XPNPEP3: variants seen among roughly 807,000 people sequenced by gnomAD.
XPNPEP3 encodes the protein X-prolyl aminopeptidase 3.
XPNPEP3 carries 41 observed loss-of-function variants against 60.0 expected under a neutral mutation model. The ratio of observed to expected loss-of-function variants is 0.68; its 90% CI spans 0.53 to 0.89. XPNPEP3 has a LOEUF of 0.89. Ranked by LOEUF, XPNPEP3 falls within the 40% of genes least tolerant of loss-of-function variation. XPNPEP3 has a pLI of 0.00. For synonymous variants in XPNPEP3, 212 were observed against 223.2 expected (o/e 0.95, Z 0.45); for missense variants, 598 against 638.9 (o/e 0.94, Z 0.69).
chr22:40,908,477 C>A (rs1569029048), intron 5 of XPNPEP3, among the ~76,000 whole-genome samples: 1 of 152,144 alleles, frequency 6.6e-6, no homozygotes, highest in Admixed American at 6.6e-5. Context: ...ATGATTGCCC[C>A]ACTGCACTCC....
chr22:40,891,012 A>G lies in XPNPEP3; in HGVS notation c.792+4497A>G, dbSNP rs538679640. 3.9e-5 allele frequency among the ~76,000 whole-genome samples: 6 copies of G among 152,056 alleles called. 1 individual carries two copies. The highest frequency in any genetic ancestry group is 3.9e-4 in the Admixed American group (6 of 15,246). On this transcript the variant is annotated intron_variant, in intron 4 of 9. Transcript: ENST00000357137. Reference sequence around the variant, plus strand: ...CATATCTCTGCTCTTTCAAAATTCAAAACATCTTGAAAACAGCCAGATTTC... The same window carrying G: ...CATATCTCTGCTCTTTCAAAATTCAGAACATCTTGAAAACAGCCAGATTTC...
intron 1 of XPNPEP3, among the ~76,000 whole-genome samples, chr22:40,864,837 G>A (rs1253623305): frequency 6.6e-6 from 1 of 152,130 alleles, no homozygotes; most frequent in African/African-American, 2.4e-5. Flanking sequence ...CTGTGATTAA[G>A]ACTGCCTTAA....
At chr22:40,915,054 T>TTC (rs2058191203) in intron 7 of XPNPEP3, among the ~76,000 whole-genome samples, 1 of 147,548 alleles carries the variant, frequency 6.8e-6, no homozygotes, top group African/African-American at 2.5e-5. Flanking sequence ...TCCATTCTTT[T>TTC]TTTTTTTTTT....
At chr22:40,889,542 G>C (rs938190185) in intron 4 of XPNPEP3, among the ~76,000 whole-genome samples, 23 of 152,182 alleles carry the variant, frequency 1.5e-4, no homozygotes, top group South Asian at 6.2e-4. Context: ...AAAATACATA[G>C]ACAAGCAGGG....
intron 4 of XPNPEP3, among the ~76,000 whole-genome samples, chr22:40,900,201 C>T (rs1007338517): frequency 2.6e-5 from 4 of 151,146 alleles, no homozygotes; most frequent in African/African-American, 9.7e-5. Context: ...AAGATGATAC[C>T]GAAAGCACAG....
At chr22:40,884,526 G>GT (rs2058061020) in intron 3 of XPNPEP3, among the ~76,000 whole-genome samples, 1 of 150,490 alleles carries the variant, frequency 6.6e-6, no homozygotes, top group African/African-American at 2.4e-5. Flanking sequence ...TAGAGACAAG[G>GT]TTTTACCATG....
intron 1 of XPNPEP3, chr22:40,860,599 T>C (rs751730248): frequency 2.8e-5 from 35 of 1,245,364 alleles, no homozygotes; most frequent in Middle Eastern, 5.6e-4. Context: ...AAATAGGCTA[T>C]AAACTCTACT....
chr22:40,915,905 C>T (rs1056316470), intron 7 of XPNPEP3, among the ~76,000 whole-genome samples: 1 of 152,162 alleles, frequency 6.6e-6, no homozygotes, highest in South Asian at 2.1e-4. Flanking sequence ...CCAGTGAGAA[C>T]AGAGTTTGTA....
At chr22:40,867,342 A>G (rs1474099036) in intron 1 of XPNPEP3, among the ~76,000 whole-genome samples, 1 of 152,148 alleles carries the variant, frequency 6.6e-6, no homozygotes, top group Non-Finnish European at 1.5e-5. Flanking sequence ...CTCTCTGTTT[A>G]ATCTCAACAA....
In XPNPEP3 at chr22:40,924,375, A is replaced by G. The variant is rs767525269; in HGVS notation, c.1250A>G (p.Tyr417Cys). 6 of 1,614,032 alleles carry G rather than the reference A, an allele frequency of 3.7e-6. No individual in the cohort carries two copies. Among genetic ancestry groups the G allele is most frequent in the Non-Finnish European group, 5.1e-6 (6 of 1,180,036 alleles). The stretch of plus-strand genomic sequence containing the variant: ...TATCTTTTCCAGGCTGCTCGAAAAT[A>G]CTGTCCTCATCATGTTGGCCACTAC... The part of the protein sequence containing the change: ...ENNAFKAARK[Y>C]CPHHVGHYLG... Residue 417 changes from tyrosine (Y) to cysteine (C), a missense_variant, in exon 9 of 10, where the codon TAC becomes TGC. Physicochemically the swap from Tyr to Cys is radical, Grantham distance 194 (BLOSUM62 -2). Transcript: ENST00000357137.
chr22:40,884,075 A>G (rs750299627), intron 3 of XPNPEP3, among the ~76,000 whole-genome samples: 10 of 152,166 alleles, frequency 6.6e-5, no homozygotes, highest in Non-Finnish European at 1.2e-4. Flanking sequence ...TGAATATGTA[A>G]GTTCTAATAC....
At chr22:40,886,201 T>G (rs2058067937) in intron 3 of XPNPEP3, 112 bp from the exon 4 acceptor site, 1 of 1,054,530 alleles carries the variant, frequency 9.5e-7, no homozygotes, top group Admixed American at 1.8e-5. Flanking sequence ...ACTTTAGAGT[T>G]CCACGTTACA....
At chr22:40,895,878 A>G (rs1215175720) in intron 4 of XPNPEP3, among the ~76,000 whole-genome samples, 2 of 152,170 alleles carry the variant, frequency 1.3e-5, no homozygotes, top group African/African-American at 4.8e-5. Flanking sequence ...CAGTAGATGT[A>G]AAAGAGTTTC....
chr22:40,881,846 A>G lies in XPNPEP3; in HGVS notation c.258A>G (p.Glu86=). ...AACTAATGTCTCTGATCCAGAAGGA[A>G]GCTCAAGGGCAGAGTGGGACAGACC... ...RHKLMSLIQK[E]AQGQSGTDQT... The change falls in exon 3 of 10, where the codon GAA becomes GAG. Residue 86 remains glutamate (E), a synonymous_variant. Transcript: ENST00000357137. The G allele has an allele frequency of 6.2e-7, 1 of 1,614,090 alleles. No individual in the cohort carries two copies. Among genetic ancestry groups the G allele is most frequent in the East Asian group, 2.2e-5 (1 of 44,892 alleles).
intron 4 of XPNPEP3, among the ~76,000 whole-genome samples, chr22:40,899,787 C>T (rs1176418688): frequency 1.4e-5 from 2 of 147,114 alleles, no homozygotes; most frequent in Non-Finnish European, 3.0e-5. Context: ...CTACTGCACT[C>T]CAGCCTGGTG....
chr22:40,896,624 ACT>A (rs1404432453), intron 4 of XPNPEP3, among the ~76,000 whole-genome samples: 1 of 151,212 alleles, frequency 6.6e-6, no homozygotes, highest in East Asian at 1.9e-4. Context: ...ACCGAGAGAG[ACT>A]CTGCAAAAAA....
chr22:40,900,462 C>G (rs1170256754), intron 4 of XPNPEP3, among the ~76,000 whole-genome samples: 1 of 151,728 alleles, frequency 6.6e-6, no homozygotes, highest in Non-Finnish European at 1.5e-5. Flanking sequence ...AAAAATTAGC[C>G]AGGCATGGTG....
chr22:40,877,820 A>G (rs1480096372), intron 2 of XPNPEP3, among the ~76,000 whole-genome samples: 1 of 152,202 alleles, frequency 6.6e-6, no homozygotes, highest in African/African-American at 2.4e-5. Context: ...CAAAGGCCAT[A>G]ACACCTTCCA....
chr22:40,922,478 A>G lies in XPNPEP3; in HGVS notation c.1201A>G (p.Ile401Val). 6.2e-7 allele frequency: 1 copy of G among 1,614,058 alleles called. No homozygotes were observed. Among genetic ancestry groups the G allele is most frequent in the Non-Finnish European group, 8.5e-7 (1 of 1,179,996 alleles). The change falls in exon 8 of 10, where the codon ATC (isoleucine) becomes GTC (valine). Residue 401 changes from isoleucine to valine, a missense_variant. Transcript: ENST00000357137. ...AGGACAGAAGCTTAAAGACTTGGGG[A>G]TCATGAAGAACATTAAGGAAAATAA... ...LIGQKLKDLG[I>V]MKNIKENNAF...
Sources: allele counts gnomAD v4.1 joint callset (sites outside exome capture counted in the v4.1 genomes callset), GRCh38; gene constraint gnomAD v4.1.1; transcripts MANE v1.5; gene names NCBI Gene and HGNC (gene_info 2026-07-23, HGNC 2026-07-21).